The following ATRX variants were observed in gnomAD, a reference collection of about 807,000 sequenced individuals.
ATRX encodes chromatin remodeler ATRX.
Under a neutral mutation model 172.6 loss-of-function variants are expected in ATRX, and 12 were observed. The ratio of observed to expected loss-of-function variants is 0.07; its 90% CI spans 0.04 to 0.11. ATRX has a LOEUF of 0.11. ATRX is among the 10% of genes least tolerant of loss of function. The probability of loss-of-function intolerance (pLI) is 1.00; values close to 1 mark genes in which losing one functional copy is unlikely to be tolerated. For synonymous variants in ATRX, 674 were observed against 594.7 expected, an observed-to-expected ratio of 1.13 and a Z score of -1.94; for missense variants, 1,368 against 1,767.4, an observed-to-expected ratio of 0.77 and a Z score of 4.05.
In ATRX at chrX:77,676,304, G is replaced by A. The variant is rs373071937; in HGVS notation, c.3737-6C>T. 5 of 1,194,614 alleles carry A rather than the reference G, an allele frequency of 4.2e-6. No homozygotes were observed. The African/African-American group carries it at 8.8e-5, about 21-fold the overall frequency. Reference sequence around the variant, plus strand: ...TTTAGATAAGGCTTCATCTCCTTGAGGGAAAAAAGTGTACTTAAAATTAGC... The same window carrying A: ...TTTAGATAAGGCTTCATCTCCTTGAAGGAAAAAAGTGTACTTAAAATTAGC... On this transcript the variant is annotated splice_region_variant and splice_polypyrimidine_tract_variant and intron_variant, in intron 9 of 34. Transcript: ENST00000373344.
At chrX:77,575,474 C>T (rs2065581566) in intron 27 of ATRX, 1 of 110,776 alleles carries the variant, frequency 9.0e-6, no homozygotes, top group African/African-American at 3.3e-5. Flanking sequence ...TTCACTTGAA[C>T]AGGATAATTA....
At chrX:77,785,589 C>G (rs1447606986) in intron 1 of ATRX, among the ~76,000 whole-genome samples, 1 of 98,031 alleles carries the variant, frequency 1.0e-5, no homozygotes, top group Non-Finnish European at 2.1e-5. Context: ...ACCCTCCCCC[C>G]GCTTCTTCCC....
At chrX:77,617,019 T>TA (rs1197101054) in intron 21 of ATRX, among the ~76,000 whole-genome samples, 13 of 111,026 alleles carry the variant, frequency 1.2e-4, no homozygotes, top group African/African-American at 4.3e-4. Flanking sequence ...GTTTTCAAAA[T>TA]AGTCTTCTCT....
chrX:77,572,650 T>A (rs995412145), intron 28 of ATRX, among the ~76,000 whole-genome samples: 3 of 111,918 alleles, frequency 2.7e-5, no homozygotes, highest in African/African-American at 9.7e-5. Context: ...AGGTTTAGAT[T>A]ATGTTTGAGA....
At chrX:77,717,587 G>A (rs1181585134) in intron 1 of ATRX, among the ~76,000 whole-genome samples, 7 of 94,942 alleles carry the variant, frequency 7.4e-5, no homozygotes, top group African/African-American at 2.8e-4. Context: ...CAAGGCAACA[G>A]TCAGACCCTG....
At chrX:77,729,049 C>T (rs542357614) in intron 1 of ATRX, among the ~76,000 whole-genome samples, 3 of 106,206 alleles carry the variant, frequency 2.8e-5, no homozygotes, top group East Asian at 2.9e-4. Context: ...CATGAGCCAC[C>T]GCACCTGGCC....
rs2062708935 is a variant in ATRX, at chrX:77,506,495, T to G, written c.*1856A>C. The G allele has an allele frequency of 1.2e-5, 2 of 173,857 alleles. No individual in the cohort carries two copies. The highest frequency in any genetic ancestry group is 8.0e-5 in the Admixed American group (1 of 12,567). 14.3% of individuals were successfully genotyped at this position (173,857 alleles called of 1,213,427 possible). ...ATTCCCAGGTCTAGTAAATCAGGTTTAAAATATTCTGAACTTGTAGAAATA... is the reference window on the plus strand; with the variant it reads ...ATTCCCAGGTCTAGTAAATCAGGTTGAAAATATTCTGAACTTGTAGAAATA... On this transcript the variant is annotated 3_prime_UTR_variant, in exon 35 of 35. Coordinates refer to ENST00000373344, the MANE Select transcript of ATRX (RefSeq NM_000489.6).
chrX:77,609,010 T>C (rs2067040752), intron 22 of ATRX, among the ~76,000 whole-genome samples: 1 of 112,247 alleles, frequency 8.9e-6, no homozygotes, highest in South Asian at 3.7e-4. Context: ...TCATTGGTCA[T>C]CTGAGAAATG....
In ATRX at chrX:77,506,093, ATG is replaced by A; in HGVS notation, c.*2256_*2257del. 5.8e-6 allele frequency: 1 copy of A among 171,676 alleles called. No individual in the cohort carries two copies. The highest frequency in any genetic ancestry group is 1.1e-5 in the Non-Finnish European group (1 of 88,905). The allele number at this position is 171,676 out of a possible 1,213,427, so 14.1% of individuals were successfully genotyped here. A position where few individuals can be genotyped will look rare whatever the true frequency, so the allele number is the denominator to read the frequency against. On this transcript the variant is annotated 3_prime_UTR_variant, in exon 35 of 35. Coordinates refer to ENST00000373344, the MANE Select transcript of ATRX (RefSeq NM_000489.6). ...CCAAAGAAATAAAACAGGTTACAAA[ATG>A]TGGAGAATTTAGCAGGCAAAACTGT...
In ATRX at chrX:77,507,306, T is replaced by C. The variant is rs1411304121; in HGVS notation, c.*1045A>G. The stretch of plus-strand genomic sequence containing the variant: ...GATTCTTATCTTTCAGAGGAATTAT[T>C]TCACAATACTGATAGTACTGGGAAT... On this transcript the variant is annotated 3_prime_UTR_variant, in exon 35 of 35. Transcript: ENST00000373344. 1.2e-5 allele frequency: 2 copies of C among 172,323 alleles called. No individual in the cohort carries two copies. The highest frequency in any genetic ancestry group is 5.9e-5 in the African/African-American group (2 of 33,900). The allele number at this position is 172,323 out of a possible 1,213,427, so 14.2% of individuals were successfully genotyped here. A position where few individuals can be genotyped will look rare whatever the true frequency, so the allele number is the denominator to read the frequency against.
At chrX:77,676,402 G>A (rs2070868322) in intron 9 of ATRX, 104 bp from the exon 10 acceptor site, 1 of 686,004 alleles carries the variant, frequency 1.5e-6, no homozygotes, top group Non-Finnish European at 2.2e-6. Flanking sequence ...AAACTAAGTG[G>A]GGTCTAAACT....
intron 19 of ATRX, among the ~76,000 whole-genome samples, chrX:77,631,295 A>G (rs1859480020): frequency 9.0e-6 from 1 of 111,489 alleles, no homozygotes; most frequent in Non-Finnish European, 1.9e-5. Context: ...GGCTAAATAA[A>G]TGGGTAAGAA....
intron 1 of ATRX, among the ~76,000 whole-genome samples, chrX:77,720,933 T>C (rs1208562725): frequency 9.0e-6 from 1 of 111,568 alleles, no homozygotes; most frequent in Non-Finnish European, 1.9e-5. Flanking sequence ...CTCAATAAAA[T>C]ACTGGCAAGC....
intron 4 of ATRX, 52 bp from the exon 5 acceptor site, chrX:77,696,756 A>G: frequency 8.8e-7 from 1 of 1,130,277 alleles, no homozygotes; most frequent in Non-Finnish European, 1.2e-6. Flanking sequence ...CAACTGGAAC[A>G]ATACCCAAAG....
chrX:77,743,358 C>G (rs925400341), intron 1 of ATRX, among the ~76,000 whole-genome samples: 2 of 111,030 alleles, frequency 1.8e-5, no homozygotes, highest in Non-Finnish European at 3.8e-5. Flanking sequence ...ATTTTGCCAG[C>G]AGCCTGAAGA....
At chrX:77,667,414 C>T (rs1297629878) in intron 10 of ATRX, among the ~76,000 whole-genome samples, 1 of 109,132 alleles carries the variant, frequency 9.2e-6, no homozygotes, top group Admixed American at 9.9e-5. Flanking sequence ...TACAAGATCT[C>T]ATACCATCAT....
intron 1 of ATRX, among the ~76,000 whole-genome samples, chrX:77,762,733 AAAG>A (rs1242775178): frequency 1.8e-5 from 2 of 111,705 alleles, no homozygotes; most frequent in African/African-American, 3.2e-5. Context: ...AGTAAAAAAA[AAAG>A]AAGAGTAAAA....
chrX:77,589,591 C>T (rs1359945124), intron 27 of ATRX, among the ~76,000 whole-genome samples: 1 of 111,796 alleles, frequency 8.9e-6, no homozygotes, highest in Non-Finnish European at 1.9e-5. Flanking sequence ...CTACAGTAGC[C>T]ATTTTACTAT....
intron 25 of ATRX, among the ~76,000 whole-genome samples, chrX:77,597,116 T>G: frequency 9.0e-6 from 1 of 111,492 alleles, no homozygotes; most frequent in South Asian, 3.8e-4. Context: ...TATAATAATT[T>G]ATTATTCTGA....
Sources: allele counts gnomAD v4.1 joint callset (sites outside exome capture counted in the v4.1 genomes callset), GRCh38; gene constraint gnomAD v4.1.1; transcripts MANE v1.5; gene names NCBI Gene and HGNC (gene_info 2026-07-23, HGNC 2026-07-21).